PLXNA4: variants seen among roughly 807,000 people sequenced by gnomAD.
The protein encoded by PLXNA4 is plexin-A4.
In PLXNA4, 44 loss-of-function variants were observed where a neutral mutation model predicts 191.8. That is an observed-to-expected ratio of 0.23 (90% CI 0.18 to 0.29). The LOEUF is 0.29. Ranked by LOEUF, PLXNA4 falls within the 10% of genes least tolerant of loss-of-function variation. The probability of loss-of-function intolerance (pLI) is 1.00; values close to 1 mark genes in which losing one functional copy is unlikely to be tolerated. For missense variants in PLXNA4, 1,800 were observed against 2,488.8 expected (o/e 0.72, Z 5.89); for synonymous variants, 1,082 against 1,009.5 (o/e 1.07, Z -1.36).
At chr7:132,579,094 A>G (rs1048733201), upstream of PLXNA4, among the ~76,000 whole-genome samples, 1 of 152,148 alleles carries the variant, frequency 6.6e-6, no homozygotes, top group Non-Finnish European at 1.5e-5. Flanking sequence ...CCCAAGGTCC[A>G]TGTAAGGTTT....
intron 30 of PLXNA4, among the ~76,000 whole-genome samples, chr7:132,134,588 A>C: frequency 6.6e-6 from 1 of 152,142 alleles, no homozygotes; most frequent in East Asian, 1.9e-4. Flanking sequence ...CTGGCAAGGG[A>C]AGGGGCTGGT....
At chr7:132,608,473 G>A (rs1297013288) in intron 2 of PLXNA4, among the ~76,000 whole-genome samples, 1 of 152,186 alleles carries the variant, frequency 6.6e-6, no homozygotes, top group Non-Finnish European at 1.5e-5. Flanking sequence ...CAATGGCAAA[G>A]GAGAAGTACA....
intron 3 of PLXNA4, among the ~76,000 whole-genome samples, chr7:132,368,243 C>T (rs1350244100): frequency 6.6e-6 from 1 of 152,122 alleles, no homozygotes; most frequent in Non-Finnish European, 1.5e-5. Flanking sequence ...GGAACAGCAG[C>T]TTATTTGAGT....
intron 4 of PLXNA4, among the ~76,000 whole-genome samples, chr7:132,278,899 A>C (rs1403891687): frequency 1.3e-5 from 2 of 152,158 alleles, no homozygotes; most frequent in African/African-American, 4.8e-5. Flanking sequence ...TCCCAAGGAG[A>C]GAAAAGAAAC....
intron 2 of PLXNA4, among the ~76,000 whole-genome samples, chr7:132,603,103 T>C (rs1358468036): frequency 6.6e-6 from 1 of 152,216 alleles, no homozygotes; most frequent in Non-Finnish European, 1.5e-5. Flanking sequence ...CCTATTTTCC[T>C]TCCTTTCCAT....
intron 1 of PLXNA4, among the ~76,000 whole-genome samples, chr7:132,567,611 T>A (rs1801793925): frequency 6.6e-6 from 1 of 152,308 alleles, no homozygotes; most frequent in African/African-American, 2.4e-5. Flanking sequence ...CTCCACCTTA[T>A]CCTACTCCAT....
intron 3 of PLXNA4, among the ~76,000 whole-genome samples, chr7:132,311,460 C>T (rs1389846127): frequency 6.6e-6 from 1 of 152,158 alleles, no homozygotes; most frequent in Non-Finnish European, 1.5e-5. Flanking sequence ...ATTCATCTTA[C>T]CCAAGCTCAC....
chr7:132,347,546 T>C (rs1023304698), intron 3 of PLXNA4, among the ~76,000 whole-genome samples: 1 of 152,080 alleles, frequency 6.6e-6, no homozygotes, highest in African/African-American at 2.4e-5. Context: ...TATTGGAGAA[T>C]AGTATTGGCT....
chr7:132,280,206 C>T (rs995306144), intron 4 of PLXNA4, among the ~76,000 whole-genome samples: 4 of 152,130 alleles, frequency 2.6e-5, no homozygotes, highest in Non-Finnish European at 5.9e-5. Context: ...CCAGCTCCCC[C>T]TCCCTCCTCA....
At chr7:132,496,866 G>A (rs535856646) in intron 2 of PLXNA4, among the ~76,000 whole-genome samples, 2 of 152,236 alleles carry the variant, frequency 1.3e-5, no homozygotes, top group East Asian at 3.9e-4. Flanking sequence ...CCAGAAACTG[G>A]AAGCAACCAA....
chr7:132,327,019 A>G (rs1284393458), intron 3 of PLXNA4, among the ~76,000 whole-genome samples: 1 of 147,016 alleles, frequency 6.8e-6, no homozygotes, highest in Non-Finnish European at 1.5e-5. Context: ...AAAAAGAGGG[A>G]AGAGAGGAAG....
At chr7:132,383,905 T>C in intron 3 of PLXNA4, 1 of 985,462 alleles carries the variant, frequency 1.0e-6, no homozygotes, top group Non-Finnish European at 1.2e-6. Context: ...CAGTTTCACA[T>C]GGAACTCCTG....
At chr7:132,144,964 G>A (rs987676105) in intron 29 of PLXNA4, among the ~76,000 whole-genome samples, 155 bp downstream of exon 29, 2 of 152,194 alleles carry the variant, frequency 1.3e-5, no homozygotes, top group African/African-American at 2.4e-5. Context: ...AAGAGTGGAT[G>A]GGGAGGACCA....
intron 2 of PLXNA4, among the ~76,000 whole-genome samples, chr7:132,624,042 T>A (rs1000268492): frequency 6.6e-6 from 1 of 152,244 alleles, no homozygotes. Context: ...TATATAGTAC[T>A]TTCCCTTATA....
Position 132,133,065 on chromosome 7 carries a change from C to T in PLXNA4, c.5573G>A (p.Gly1858Asp), listed in dbSNP as rs1401868525. 6.2e-7 allele frequency: 1 copy of T among 1,613,906 alleles called. No individual in the cohort carries two copies. Among genetic ancestry groups the T allele is most frequent in the Non-Finnish European group, 8.5e-7 (1 of 1,179,896 alleles). The change falls in exon 31 of 32, where the codon GGC becomes GAC. Residue 1858 changes from glycine to aspartate, a missense_variant. Coordinates refer to ENST00000321063, the MANE Select transcript of PLXNA4 (RefSeq NM_020911.2). ...AAAGCTTACCTCCTCGCTGTATTTG[C>T]CCACATAGGAGAAGATCTCTGAGAG... ...SALSEIFSYVGKYSEEILGPL... is the reference protein window; with the variant it reads ...SALSEIFSYVDKYSEEILGPL...
chr7:132,183,698 T>C (rs192089503), intron 16 of PLXNA4, among the ~76,000 whole-genome samples: 2 of 152,336 alleles, frequency 1.3e-5, no homozygotes, highest in East Asian at 1.9e-4. Flanking sequence ...CTACAGACGA[T>C]TTTCCCCTCT....
chr7:132,194,159 T>G lies in PLXNA4; in HGVS notation c.2759A>C (p.Glu920Ala). 1 of 1,613,486 alleles carries G rather than the reference T, an allele frequency of 6.2e-7. No homozygotes were observed. The highest frequency in any genetic ancestry group is 1.1e-5 in the South Asian group (1 of 90,986). The part of the protein sequence containing the change: ...PAEQIVCEMG[E>A]AKPSQHAGFV... ...GCCTGCATGCTGGCTGGGCTTGGCC[T>G]CCCCCATCTCACACACGATCCTGCA... The change falls in exon 14 of 32, where the codon GAG (glutamate) becomes GCG (alanine). Residue 920 changes from glutamate to alanine, a missense_variant. Glu to Ala is a moderately radical substitution (Grantham distance 107). This residue lies in a region of PLXNA4 where 1,397 missense variants were observed against 1,880.4 expected (regional missense o/e 0.74). Coordinates refer to ENST00000321063, the MANE Select transcript of PLXNA4 (RefSeq NM_020911.2).
At chr7:132,221,137 T>A (rs990602519) in intron 9 of PLXNA4, among the ~76,000 whole-genome samples, 12 of 152,280 alleles carry the variant, frequency 7.9e-5, no homozygotes, top group African/African-American at 2.9e-4. Context: ...CGCCTGGCCT[T>A]ATTTTATTCC....
chr7:132,351,891 C>T (rs1484667608), intron 3 of PLXNA4, among the ~76,000 whole-genome samples: 1 of 152,120 alleles, frequency 6.6e-6, no homozygotes, highest in Non-Finnish European at 1.5e-5. Flanking sequence ...AAGAAAAGAG[C>T]ATGCAGAGAC....
Sources: allele counts gnomAD v4.1 joint callset (sites outside exome capture counted in the v4.1 genomes callset), GRCh38; gene constraint gnomAD v4.1.1; regional missense constraint gnomAD v4.1.1; transcripts MANE v1.5; gene names NCBI Gene and HGNC (gene_info 2026-07-23, HGNC 2026-07-21).